The following SLC4A10 variants were observed in gnomAD, a reference collection of about 807,000 sequenced individuals.
SLC4A10 encodes solute carrier family 4 member 10.
SLC4A10 carries 42 observed loss-of-function variants against 137.7 expected under a neutral mutation model. The ratio of observed to expected loss-of-function variants is 0.30; its 90% CI spans 0.24 to 0.39. The LOEUF (loss-of-function observed/expected upper bound fraction) is 0.39, where lower values mean the gene tolerates loss of function less well. Among genes scored for constraint, SLC4A10 ranks in the 10% least tolerant of loss-of-function variants. SLC4A10 has a pLI of 1.00. For synonymous variants in SLC4A10, 474 were observed against 464.1 expected (o/e 1.02, Z -0.27); for missense variants, 925 against 1,355.0 (o/e 0.68, Z 4.98).
intron 1 of SLC4A10, among the ~76,000 whole-genome samples, chr2:161,751,646 G>T (rs554180897): frequency 1.3e-5 from 2 of 151,578 alleles, no homozygotes; most frequent in Non-Finnish European, 3.0e-5. Flanking sequence ...CTCCTATTCC[G>T]CCATCTTGCT....
intron 1 of SLC4A10, among the ~76,000 whole-genome samples, chr2:161,654,252 G>C (rs1415746173): frequency 6.6e-6 from 1 of 152,138 alleles, no homozygotes; most frequent in African/African-American, 2.4e-5. Flanking sequence ...CTGAGTTATA[G>C]GAGTTCCTTA....
intron 5 of SLC4A10, 116 bp downstream of exon 5, chr2:161,855,246 C>A (rs1314867771): frequency 3.2e-6 from 3 of 938,470 alleles, no homozygotes; most frequent in South Asian, 2.4e-5. Flanking sequence ...ATAATCACTG[C>A]ATAAGGTCTT....
chr2:161,767,677 T>C (rs995174311), intron 1 of SLC4A10, among the ~76,000 whole-genome samples: 7 of 152,044 alleles, frequency 4.6e-5, no homozygotes, highest in African/African-American at 1.7e-4. Flanking sequence ...GGAATAGTTA[T>C]CTGTTCTGAT....
In SLC4A10 at chr2:161,984,270, T is replaced by C. The variant is rs1010689044; in HGVS notation, c.*1118T>C. The stretch of plus-strand genomic sequence containing the variant: ...TTTTAAAATGAAATTTCAGATTCCA[T>C]TTGAGAAGGTTCTGTAGATATTTCA... On this transcript the variant is annotated 3_prime_UTR_variant, in exon 27 of 27. Transcript: ENST00000446997. 1.3e-5 allele frequency: 2 copies of C among 152,148 alleles called. No homozygotes were observed. Among genetic ancestry groups the C allele is most frequent in the African/African-American group, 4.8e-5 (2 of 41,448 alleles). 9.4% of individuals were successfully genotyped at this position (152,148 alleles called of 1,614,324 possible).
At chr2:161,746,151 A>G (rs1170911071) in intron 1 of SLC4A10, among the ~76,000 whole-genome samples, 1 of 151,878 alleles carries the variant, frequency 6.6e-6, no homozygotes, top group Non-Finnish European at 1.5e-5. Context: ...TCTTCCCAGG[A>G]CTGGCTCTTT....
chr2:161,879,834 C>T (rs571975950), intron 9 of SLC4A10, among the ~76,000 whole-genome samples: 16 of 151,962 alleles, frequency 1.1e-4, no homozygotes, highest in Admixed American at 5.9e-4. Context: ...GAAGTATTAT[C>T]GCAGTGTGGT....
At chr2:161,928,291 A>T (rs1689594026) in intron 15 of SLC4A10, among the ~76,000 whole-genome samples, 1 of 148,490 alleles carries the variant, frequency 6.7e-6, no homozygotes, top group South Asian at 2.1e-4. Context: ...CAAACACGGC[A>T]TATTCTCACT....
intron 3 of SLC4A10, among the ~76,000 whole-genome samples, chr2:161,831,297 TA>T (rs1412086262): frequency 6.6e-6 from 1 of 152,222 alleles, no homozygotes; most frequent in African/African-American, 2.4e-5. Context: ...TTAATTGGTT[TA>T]TTTTCATATA....
chr2:161,828,168 A>G (rs1030552255), intron 3 of SLC4A10, among the ~76,000 whole-genome samples: 5 of 152,328 alleles, frequency 3.3e-5, no homozygotes, highest in South Asian at 2.1e-4. Flanking sequence ...TGATGGAACC[A>G]CTTTGCTAGA....
Position 161,625,780 on chromosome 2 carries a change from A to G in SLC4A10, c.48+1214A>G, listed in dbSNP as rs535396732. On this transcript the variant is annotated intron_variant, in intron 1 of 26. Coordinates refer to ENST00000446997, the MANE Select transcript of SLC4A10 (RefSeq NM_001178015.2). The stretch of plus-strand genomic sequence containing the variant: ...CTGAGCATGCCCAGTTCTCCTGCGG[A>G]CGCCAGGTTTGAGCAGGGAGGGAGC... 5.3e-5 allele frequency among the ~76,000 whole-genome samples: 8 copies of G among 152,094 alleles called. No individual in the cohort carries two copies. In the East Asian group the frequency reaches 1.2e-3, roughly 22 times the overall value.
chr2:161,775,315 C>T (rs1363475822), intron 2 of SLC4A10, among the ~76,000 whole-genome samples: 1 of 151,814 alleles, frequency 6.6e-6, no homozygotes, highest in African/African-American at 2.4e-5. Flanking sequence ...CTCCCAATTA[C>T]TATCAAAAAG....
chr2:161,818,230 C>T (rs1246391043), intron 3 of SLC4A10, among the ~76,000 whole-genome samples: 2 of 152,070 alleles, frequency 1.3e-5, no homozygotes, highest in Admixed American at 6.6e-5. Flanking sequence ...GTATTTTATT[C>T]TCTTTGAAGC....
intron 15 of SLC4A10, among the ~76,000 whole-genome samples, chr2:161,914,652 GA>G (rs1327717556): frequency 1.3e-5 from 2 of 149,846 alleles, no homozygotes; most frequent in Admixed American, 1.3e-4. Context: ...ACTCATGGAA[GA>G]TTTTTTTTTT....
At chr2:161,764,766 A>G (rs2050616388) in intron 1 of SLC4A10, among the ~76,000 whole-genome samples, 1 of 152,122 alleles carries the variant, frequency 6.6e-6, no homozygotes, top group Admixed American at 6.6e-5. Context: ...TTCCATGAGG[A>G]AATGCACTGG....
chr2:161,644,141 A>G (rs1473457139), intron 1 of SLC4A10, among the ~76,000 whole-genome samples: 1 of 150,362 alleles, frequency 6.7e-6, no homozygotes, highest in Non-Finnish European at 1.5e-5. Context: ...TGAGTTAAAT[A>G]TCTTAAGTGG....
chr2:161,712,941 G>A (rs972903449), intron 1 of SLC4A10, among the ~76,000 whole-genome samples: 1 of 151,850 alleles, frequency 6.6e-6, no homozygotes, highest in Non-Finnish European at 1.5e-5. Context: ...ATAAAAGTCT[G>A]TAGGTCTCTG....
chr2:161,906,704 T>G (rs887376558), intron 15 of SLC4A10, among the ~76,000 whole-genome samples: 1 of 152,210 alleles, frequency 6.6e-6, no homozygotes, highest in Non-Finnish European at 1.5e-5. Flanking sequence ...GATATGGCCT[T>G]GAACCCTTTT....
At chr2:161,977,864 G>A in intron 26 of SLC4A10, 104 bp downstream of exon 26, 4 of 1,025,774 alleles carry the variant, frequency 3.9e-6, no homozygotes, top group Non-Finnish European at 5.5e-6. Context: ...GAGTTTTGGG[G>A]AGGCAAAAGG....
intron 2 of SLC4A10, among the ~76,000 whole-genome samples, chr2:161,794,775 A>G (rs1224190810): frequency 2.0e-5 from 3 of 152,060 alleles, no homozygotes; most frequent in African/African-American, 7.2e-5. Flanking sequence ...GCATTTTCCA[A>G]TATCTGTGGT....
Sources: gnomAD v4.1 joint callset for allele counts (sites outside exome capture counted in the v4.1 genomes callset) on GRCh38, gnomAD v4.1.1 for gene constraint, MANE v1.5 for transcripts, NCBI Gene and HGNC (gene_info 2026-07-23, HGNC 2026-07-21) for gene names.